Variants in CADPS2 observed in about 807,000 individuals in gnomAD.
CADPS2 encodes calcium dependent secretion activator 2, also known as calcium-dependent secretion activator 2.
Under a neutral mutation model 172.5 loss-of-function variants are expected in CADPS2, and 93 were observed. The observed-to-expected ratio is 0.54, with a 90% CI of 0.46 to 0.64. The LOEUF (loss-of-function observed/expected upper bound fraction) is 0.64, where lower values mean the gene tolerates loss of function less well. Among genes scored for constraint, CADPS2 ranks in the 30% least tolerant of loss-of-function variants. The pLI is 0.00. For synonymous variants in CADPS2, 546 were observed against 555.2 expected (o/e 0.98, Z 0.23); for missense variants, 1,420 against 1,565.9 (o/e 0.91, Z 1.57).
chr7:122,743,858 A>G (rs2138086512), intron 1 of CADPS2, among the ~76,000 whole-genome samples: 1 of 152,264 alleles, frequency 6.6e-6, no homozygotes, highest in Non-Finnish European at 1.5e-5. Flanking sequence ...TTTTTGAAAT[A>G]ACAATGCATC....
chr7:122,444,374 T>A (rs1157486861), intron 15 of CADPS2, among the ~76,000 whole-genome samples: 1 of 152,138 alleles, frequency 6.6e-6, no homozygotes, highest in African/African-American at 2.4e-5. Context: ...TTTTTAAGAA[T>A]CTGCCAAGTT....
At chr7:122,559,752 C>T (rs1487157193) in intron 7 of CADPS2, among the ~76,000 whole-genome samples, 2 of 121,900 alleles carry the variant, frequency 1.6e-5, no homozygotes, top group African/African-American at 6.5e-5. Context: ...GCCTGGGTGA[C>T]AGTGCGAGAC....
intron 29 of CADPS2, among the ~76,000 whole-genome samples, chr7:122,320,711 C>T (rs1467428245): frequency 6.6e-6 from 1 of 151,960 alleles, no homozygotes; most frequent in Non-Finnish European, 1.5e-5. Flanking sequence ...GGGGGCTTTC[C>T]TTTAATACTG....
At chr7:122,782,886 C>T (rs1190328335) in intron 1 of CADPS2, among the ~76,000 whole-genome samples, 5 of 152,010 alleles carry the variant, frequency 3.3e-5, no homozygotes, top group Non-Finnish European at 5.9e-5. Flanking sequence ...CCTTTTTATA[C>T]TATTTCTCCT....
chr7:122,675,269 C>T (rs563338713), intron 2 of CADPS2, among the ~76,000 whole-genome samples: 1 of 152,176 alleles, frequency 6.6e-6, no homozygotes, highest in South Asian at 2.1e-4. Flanking sequence ...CAAAGGAGCC[C>T]GGGGCTCCAT....
chr7:122,731,410 C>T (rs2091628607), intron 2 of CADPS2, among the ~76,000 whole-genome samples: 1 of 151,702 alleles, frequency 6.6e-6, no homozygotes, highest in African/African-American at 2.4e-5. Flanking sequence ...ATCACATTGT[C>T]ATTTGTTATA....
chr7:122,581,520 A>T (rs2068815586), intron 6 of CADPS2, among the ~76,000 whole-genome samples: 1 of 152,130 alleles, frequency 6.6e-6, no homozygotes. Flanking sequence ...TGGACTATAA[A>T]AAATTGCATG....
intron 11 of CADPS2, among the ~76,000 whole-genome samples, chr7:122,481,906 A>T (rs1331749196): frequency 6.6e-6 from 1 of 151,724 alleles, no homozygotes; most frequent in East Asian, 1.9e-4. Context: ...GGCTGCTGAG[A>T]TTACTTGGGA....
chr7:122,678,308 T>A (rs964784652), intron 2 of CADPS2, among the ~76,000 whole-genome samples: 3 of 152,366 alleles, frequency 2.0e-5, no homozygotes, highest in South Asian at 2.1e-4. Flanking sequence ...ACTGTAAATG[T>A]GTGGTTTTGT....
intron 5 of CADPS2, among the ~76,000 whole-genome samples, chr7:122,620,183 A>G (rs1396652972): frequency 1.3e-5 from 2 of 152,244 alleles, no homozygotes; most frequent in Non-Finnish European, 2.9e-5. Context: ...TGCAAATGGC[A>G]GCACTGGGAA....
chr7:122,815,842 G>T (rs1028812201), intron 1 of CADPS2, among the ~76,000 whole-genome samples: 1 of 151,930 alleles, frequency 6.6e-6, no homozygotes, highest in African/African-American at 2.4e-5. Flanking sequence ...GAAAAGACAA[G>T]GAAGTTCTGC....
intron 8 of CADPS2, among the ~76,000 whole-genome samples, chr7:122,535,508 T>C (rs2062172869): frequency 6.6e-6 from 1 of 152,042 alleles, no homozygotes; most frequent in Non-Finnish European, 1.5e-5. Flanking sequence ...GGTAATAGTA[T>C]ACCAGATAAT....
chr7:122,338,754 T>A (rs762626967), intron 28 of CADPS2, among the ~76,000 whole-genome samples: 1 of 152,132 alleles, frequency 6.6e-6, no homozygotes, highest in Non-Finnish European at 1.5e-5. Flanking sequence ...CATTCACATA[T>A]AAGAAAGCAT....
intron 28 of CADPS2, among the ~76,000 whole-genome samples, chr7:122,333,533 A>G (rs1416897102): frequency 6.6e-6 from 1 of 152,204 alleles, no homozygotes; most frequent in African/African-American, 2.4e-5. Flanking sequence ...GTCTCTGGGC[A>G]TGCCCATTCC....
intron 2 of CADPS2, among the ~76,000 whole-genome samples, chr7:122,678,748 A>T (rs2082645300): frequency 6.6e-6 from 1 of 152,184 alleles, no homozygotes; most frequent in Admixed American, 6.5e-5. Flanking sequence ...GGAAGTCACA[A>T]ATCTTGTGAC....
chr7:122,872,261 AT>A (rs1819952134), intron 1 of CADPS2, among the ~76,000 whole-genome samples: 2 of 152,248 alleles, frequency 1.3e-5, no homozygotes, highest in South Asian at 4.1e-4. Context: ...CTTTATAGGG[AT>A]TCTTACAGTG....
intron 13 of CADPS2, among the ~76,000 whole-genome samples, 178 bp from the exon 14 acceptor site, chr7:122,471,740 ACACTGG>A (rs1389592421): frequency 5.9e-5 from 9 of 152,236 alleles, no homozygotes; most frequent in African/African-American, 1.7e-4. Context: ...CTGATTTGGG[ACACTGG>A]CAACCTAATG....
At chr7:122,580,398 A>G (rs2068641767) in intron 7 of CADPS2, among the ~76,000 whole-genome samples, 1 of 150,652 alleles carries the variant, frequency 6.6e-6, no homozygotes, top group African/African-American at 2.4e-5. Flanking sequence ...GGTTGCAATG[A>G]GCCGAGGTTG....
chr7:122,626,908 A>T (rs989124762), intron 4 of CADPS2, among the ~76,000 whole-genome samples: 2 of 152,184 alleles, frequency 1.3e-5, no homozygotes, highest in African/African-American at 4.8e-5. Flanking sequence ...CTACTTCCTA[A>T]TTACCTCTTG....
Sources: allele counts gnomAD v4.1 joint callset (sites outside exome capture counted in the v4.1 genomes callset), GRCh38; gene constraint gnomAD v4.1.1; transcripts MANE v1.5; gene names NCBI Gene and HGNC (gene_info 2026-07-23, HGNC 2026-07-21).